Variants in GAS7 observed in about 807,000 individuals in gnomAD.
GAS7 encodes the protein growth arrest-specific protein 7.
GAS7 carries 28 observed loss-of-function variants against 71.1 expected under a neutral mutation model. The observed-to-expected ratio is 0.39, with a 90% CI of 0.29 to 0.54. The LOEUF is 0.54. Among genes scored for constraint, GAS7 ranks in the 20% least tolerant of loss-of-function variants. The pLI, the probability that GAS7 is intolerant of heterozygous loss-of-function variation, is 0.62. For missense variants in GAS7, 436 were observed against 627.8 expected, an observed-to-expected ratio of 0.69 and a Z score of 3.27; for synonymous variants, 258 against 245.8, an observed-to-expected ratio of 1.05 and a Z score of -0.46.
chr17:10,036,658 C>G, intron 1 of GAS7: 3 of 1,425,958 alleles, frequency 2.1e-6, no homozygotes, highest in Non-Finnish European at 2.7e-6. Context: ...CACAAAGAAC[C>G]CACTACATTG....
intron 1 of GAS7, among the ~76,000 whole-genome samples, chr17:10,182,751 C>A (rs952214443): frequency 2.6e-5 from 4 of 152,182 alleles, no homozygotes; most frequent in African/African-American, 9.7e-5. Flanking sequence ...TACAGCCCTA[C>A]AACACGGGCC....
intron 1 of GAS7, among the ~76,000 whole-genome samples, chr17:10,141,057 G>C (rs553693358): frequency 6.6e-5 from 10 of 152,338 alleles, no homozygotes; most frequent in Non-Finnish European, 1.3e-4. Context: ...CTGCTTCTGG[G>C]GACCCAGGGA....
intron 1 of GAS7, among the ~76,000 whole-genome samples, chr17:10,098,754 TC>T (rs2073669106): frequency 6.6e-6 from 1 of 152,064 alleles, no homozygotes; most frequent in South Asian, 2.1e-4. Context: ...GGTCAGGAGA[TC>T]CAGACCATCC....
chr17:9,998,897 C>A (rs1253331216), intron 2 of GAS7, among the ~76,000 whole-genome samples: 4 of 152,130 alleles, frequency 2.6e-5, no homozygotes, highest in Non-Finnish European at 5.9e-5. Context: ...ACACTCCCTG[C>A]CCAAGGACAT....
chr17:9,966,994 C>T (rs536394463), intron 4 of GAS7, among the ~76,000 whole-genome samples: 14 of 152,088 alleles, frequency 9.2e-5, no homozygotes, highest in Non-Finnish European at 1.9e-4. Context: ...GCACGTTCGC[C>T]CTCTCCATAT....
intron 2 of GAS7, among the ~76,000 whole-genome samples, chr17:10,014,357 G>A (rs911677370): frequency 1.3e-5 from 2 of 152,044 alleles, no homozygotes; most frequent in Admixed American, 6.6e-5. Context: ...CACGCTTACC[G>A]GCCTTAAAGC....
chr17:10,124,825 A>T (rs542213679), intron 1 of GAS7, among the ~76,000 whole-genome samples: 1 of 151,934 alleles, frequency 6.6e-6, no homozygotes, highest in African/African-American at 2.4e-5. Context: ...GGCTGAGGCA[A>T]GAGAATCGCT....
intron 8 of GAS7, among the ~76,000 whole-genome samples, chr17:9,939,613 C>T (rs1346348607): frequency 6.8e-6 from 1 of 147,846 alleles, no homozygotes; most frequent in Non-Finnish European, 1.5e-5. Context: ...TGTGGAAGTG[C>T]CTTTTTTTTT....
rs915474552 is a variant in GAS7 at position 10,093,387 on chromosome 17, T to C, written c.184-73490A>G. Among the ~76,000 whole-genome samples, 4 of 151,492 alleles carry C rather than the reference T, an allele frequency of 2.6e-5. No homozygotes were observed. The East Asian group carries it at 5.8e-4, about 22-fold the overall frequency. On this transcript the variant is annotated intron_variant, in intron 1 of 13. Coordinates refer to ENST00000432992, the MANE Select transcript of GAS7 (RefSeq NM_201433.2). The stretch of plus-strand genomic sequence containing the variant: ...CAGATTGAGACCATCCTGGCTAACA[T>C]GGTAAAACCCAGTCTCTACTAAACA...
chr17:10,102,391 C>T (rs1304630487), intron 1 of GAS7, among the ~76,000 whole-genome samples: 1 of 152,084 alleles, frequency 6.6e-6, no homozygotes, highest in East Asian at 1.9e-4. Flanking sequence ...CTGTCCCAGC[C>T]ATGAAAATCA....
At chr17:10,110,672 A>G (rs2073803119) in intron 1 of GAS7, among the ~76,000 whole-genome samples, 1 of 152,114 alleles carries the variant, frequency 6.6e-6, no homozygotes, top group Non-Finnish European at 1.5e-5. Flanking sequence ...GTGTTTCACC[A>G]TATTGGTCAG....
intron 1 of GAS7, among the ~76,000 whole-genome samples, chr17:10,104,796 T>C (rs2073741412): frequency 6.6e-6 from 1 of 152,172 alleles, no homozygotes; most frequent in African/African-American, 2.4e-5. Flanking sequence ...ACATTTTCCT[T>C]CTCCACTGCT....
At chr17:10,080,879 A>G (rs999838583) in intron 1 of GAS7, among the ~76,000 whole-genome samples, 6 of 152,228 alleles carry the variant, frequency 3.9e-5, no homozygotes, top group Non-Finnish European at 7.3e-5. Context: ...AGATAGACAA[A>G]TAGTCCAATG....
At chr17:9,931,417 C>T (rs1365060443) in intron 9 of GAS7, among the ~76,000 whole-genome samples, 2 of 152,078 alleles carry the variant, frequency 1.3e-5, no homozygotes, top group Non-Finnish European at 2.9e-5. Flanking sequence ...CCAAGATTCC[C>T]GGGGACCCAG....
intron 1 of GAS7, among the ~76,000 whole-genome samples, chr17:10,185,112 G>C (rs1309448841): frequency 6.6e-6 from 1 of 152,080 alleles, no homozygotes; most frequent in African/African-American, 2.4e-5. Context: ...TTTTAGTAGA[G>C]ACGGGGTTTT....
At chr17:10,091,018 C>A (rs1173208199) in intron 1 of GAS7, among the ~76,000 whole-genome samples, 4 of 152,180 alleles carry the variant, frequency 2.6e-5, no homozygotes, top group Non-Finnish European at 2.9e-5. Flanking sequence ...TGACTCCCAA[C>A]CCTTCTCACC....
intron 1 of GAS7, among the ~76,000 whole-genome samples, chr17:10,153,509 C>G (rs1216097844): frequency 8.9e-6 from 1 of 111,946 alleles, no homozygotes; most frequent in Non-Finnish European, 1.7e-5. Flanking sequence ...GAGTGAGACT[C>G]TTTGACTCAC....
chr17:9,925,669 C>G (rs1356278873), intron 10 of GAS7, 70 bp from the exon 11 acceptor site: 5 of 1,574,166 alleles, frequency 3.2e-6, no homozygotes, highest in Non-Finnish European at 2.6e-6. Flanking sequence ...GCCACGCAGC[C>G]CAGCTTCCCT....
chr17:10,079,441 C>G (rs867577577), intron 1 of GAS7, among the ~76,000 whole-genome samples: 4 of 152,136 alleles, frequency 2.6e-5, no homozygotes, highest in African/African-American at 9.7e-5. Context: ...CAACACAGAC[C>G]TTATGTCTGA....
Sources: allele counts gnomAD v4.1 joint callset (sites outside exome capture counted in the v4.1 genomes callset), GRCh38; gene constraint gnomAD v4.1.1; transcripts MANE v1.5; gene names NCBI Gene and HGNC (gene_info 2026-07-23, HGNC 2026-07-21).